RELL1: variants seen among roughly 807,000 people sequenced by gnomAD.
RELL1 encodes RELT-like protein 1.
Under a neutral mutation model 23.0 loss-of-function variants are expected in RELL1, and 10 were observed. That is an observed-to-expected ratio of 0.43 (90% confidence interval 0.27 to 0.74). The LOEUF is 0.74. Among genes scored for constraint, RELL1 ranks in the 30% least tolerant of loss-of-function variants. The pLI is 0.19. For missense variants in RELL1, 315 were observed against 364.4 expected (o/e 0.86, Z 1.10); for synonymous variants, 146 against 146.8 (o/e 0.99, Z 0.04).
intron 6 of RELL1, among the ~76,000 whole-genome samples, chr4:37,619,772 T>C (rs1719707808): frequency 6.6e-6 from 1 of 152,040 alleles, no homozygotes; most frequent in African/African-American, 2.4e-5. Flanking sequence ...GATCTCACTA[T>C]GTTGCCCAGG....
chr4:37,647,590 C>T lies in RELL1; in HGVS notation c.314-151G>A, dbSNP rs992919981. On this transcript the variant is annotated intron_variant, in intron 2 of 6. Transcript: ENST00000454158. ...CAATTCTAGGCTTTCTCCCTCCAGC[C>T]CCAAACTTCCTAATGCATAACAAGC... 4 of 572,340 alleles carry T rather than the reference C, an allele frequency of 7.0e-6. No homozygotes were observed. In the African/African-American group the frequency reaches 7.5e-5, roughly 11 times the overall value. The allele number at this position is 572,340 out of a possible 1,614,324, so 35.5% of individuals were successfully genotyped here.
chr4:37,654,133 C>T (rs1721041841), intron 1 of RELL1, among the ~76,000 whole-genome samples: 1 of 152,164 alleles, frequency 6.6e-6, no homozygotes, highest in Admixed American at 6.5e-5. Flanking sequence ...AAGGTGGGCA[C>T]TGTATTTTAG....
chr4:37,605,840 AAAGAAG>A (rs1719192165), downstream of RELL1, among the ~76,000 whole-genome samples: 2 of 120,674 alleles, frequency 1.7e-5, no homozygotes, highest in African/African-American at 2.6e-5. Flanking sequence ...AGAAAGAAAG[AAAGAAG>A]GAAAAGAAAA....
chr4:37,662,466 C>A (rs1721388193), intron 1 of RELL1, among the ~76,000 whole-genome samples: 1 of 151,736 alleles, frequency 6.6e-6, no homozygotes, highest in Admixed American at 6.6e-5. Flanking sequence ...AAAAAGGGAA[C>A]AGGACACTCT....
At chr4:37,606,322 C>A (rs1169266706), downstream of RELL1, among the ~76,000 whole-genome samples, 4 of 152,042 alleles carry the variant, frequency 2.6e-5, no homozygotes, top group African/African-American at 4.8e-5. This position sits in a 1 kb window ranked among gnomAD's most constrained non-coding sequence, Gnocchi z 4.1. Context: ...GGGCACCAAC[C>A]TGAAAGGGCT....
At chr4:37,608,894 G>A (rs1719299870), downstream of RELL1, among the ~76,000 whole-genome samples, 1 of 152,126 alleles carries the variant, frequency 6.6e-6, no homozygotes, top group Non-Finnish European at 1.5e-5. Flanking sequence ...GCCTCCCAAA[G>A]TGCTGGGATT....
At chr4:37,665,099 A>T in intron 1 of RELL1, 1 of 373,182 alleles carries the variant, frequency 2.7e-6, no homozygotes, top group Non-Finnish European at 5.3e-6. Flanking sequence ...CTCTCATTGC[A>T]GAAGGGCTCC....
At chr4:37,603,465 G>C (rs1719070403) in intron 6 of RELL1, among the ~76,000 whole-genome samples, 1 of 152,096 alleles carries the variant, frequency 6.6e-6, no homozygotes. Context: ...CTAAGAACTG[G>C]CAAGTCAAAC....
chr4:37,605,442 G>A (rs1260532961), intron 6 of RELL1, among the ~76,000 whole-genome samples: 2 of 152,100 alleles, frequency 1.3e-5, no homozygotes, highest in Non-Finnish European at 2.9e-5. Flanking sequence ...GAATCTTGTG[G>A]TGCCAGAAAG....
intron 6 of RELL1, among the ~76,000 whole-genome samples, chr4:37,596,518 A>G (rs1718850766): frequency 6.6e-6 from 1 of 151,426 alleles, no homozygotes; most frequent in Non-Finnish European, 1.5e-5. Flanking sequence ...CACTTTTACA[A>G]CCATACTGTC....
chr4:37,610,260 TTTAAA>T (rs1397762782), downstream of RELL1, among the ~76,000 whole-genome samples: 2 of 152,176 alleles, frequency 1.3e-5, no homozygotes, highest in African/African-American at 4.8e-5. This position sits in a 1 kb window ranked among gnomAD's most constrained non-coding sequence, Gnocchi z 4.1. Context: ...TAAAAAGTAT[TTTAAA>T]TTAAGGTATG....
At chr4:37,677,920 C>T (rs774720542) in intron 1 of RELL1, among the ~76,000 whole-genome samples, 3 of 151,900 alleles carry the variant, frequency 2.0e-5, no homozygotes, top group Admixed American at 6.6e-5. Context: ...TGCAGTGAGC[C>T]GAGATCACAC....
intron 6 of RELL1, among the ~76,000 whole-genome samples, chr4:37,601,703 G>A (rs1719021455): frequency 6.6e-6 from 1 of 152,250 alleles, no homozygotes; most frequent in Admixed American, 6.5e-5. Flanking sequence ...CTCAGCTGCA[G>A]GGCTGGATGC....
chr4:37,645,099 C>T (rs561820043), intron 3 of RELL1, among the ~76,000 whole-genome samples: 2 of 152,186 alleles, frequency 1.3e-5, no homozygotes, highest in Non-Finnish European at 2.9e-5. Context: ...GCTATGACGT[C>T]GATACGTGAG....
In RELL1 at chr4:37,631,512, G is replaced by A. The variant is rs1042923674; in HGVS notation, c.692C>T (p.Thr231Ile). The A allele has an allele frequency of 2.5e-6, 4 of 1,613,850 alleles. No homozygotes were observed. In the South Asian group the frequency reaches 3.3e-5, roughly 13 times the overall value. ...CTGGTTTGACTTGTGCTCCACTTTTGTAACTCTAAATCTGAGGGGGGAATG... is the reference window on the plus strand; with the variant it reads ...CTGGTTTGACTTGTGCTCCACTTTTATAACTCTAAATCTGAGGGGGGAATG... ...TVLSVGRFRV[T>I]KVEHKSNQKE... Residue 231 changes from threonine to isoleucine, a missense_variant, in exon 6 of 7, where the codon ACA (threonine) becomes ATA (isoleucine). By Grantham distance (89) the Thr-to-Ile change is moderately conservative. Coordinates refer to ENST00000454158, the MANE Select transcript of RELL1 (RefSeq NM_001085400.2).
chr4:37,673,726 C>A (rs1721923087), intron 1 of RELL1, among the ~76,000 whole-genome samples: 1 of 152,188 alleles, frequency 6.6e-6, no homozygotes, highest in Admixed American at 6.5e-5. Context: ...AACTGCCCTG[C>A]TGACAGCACA....
At chr4:37,663,662 T>G (rs1266513893) in intron 1 of RELL1, among the ~76,000 whole-genome samples, 1 of 152,110 alleles carries the variant, frequency 6.6e-6, no homozygotes, top group African/African-American at 2.4e-5. Flanking sequence ...GGCACACGGG[T>G]TCAATAACAA....
intron 6 of RELL1, among the ~76,000 whole-genome samples, chr4:37,624,718 C>T (rs1160173221): frequency 3.3e-5 from 5 of 152,070 alleles, no homozygotes; most frequent in Admixed American, 2.0e-4. Flanking sequence ...CGTGAGCCAC[C>T]GCGCCCAGCC....
chr4:37,657,715 C>T (rs1453962886), intron 1 of RELL1, among the ~76,000 whole-genome samples: 1 of 152,052 alleles, frequency 6.6e-6, no homozygotes, highest in Non-Finnish European at 1.5e-5. Flanking sequence ...GGTGAGATTA[C>T]ACATTTTGTG....
Sources: allele counts gnomAD v4.1 joint callset (sites outside exome capture counted in the v4.1 genomes callset), GRCh38; gene constraint gnomAD v4.1.1; non-coding constraint Gnocchi (gnomAD v3.1); transcripts MANE v1.5; gene names NCBI Gene and HGNC (gene_info 2026-07-23, HGNC 2026-07-21).